The following NRK variants were observed in gnomAD, a reference collection of about 807,000 sequenced individuals.
NRK encodes Nik related kinase, also known as nik-related protein kinase.
Under a neutral mutation model 125.2 loss-of-function variants are expected in NRK, and 67 were observed. The ratio of observed to expected loss-of-function variants is 0.54; its 90% confidence interval spans 0.44 to 0.66. The LOEUF is 0.66. NRK is among the 30% of genes least tolerant of loss of function. NRK has a pLI of 0.00. For missense variants in NRK, 1,224 were observed against 1,192.9 expected, an observed-to-expected ratio of 1.03 and a Z score of -0.38; for synonymous variants, 458 against 429.0, an observed-to-expected ratio of 1.07 and a Z score of -0.84.
chrX:105,954,495 T>A (rs926216076), intron 28 of NRK, among the ~76,000 whole-genome samples: 1 of 110,572 alleles, frequency 9.0e-6, no homozygotes, highest in Non-Finnish European at 1.9e-5. Context: ...GATTGCTGCC[T>A]TTGTCTAATA....
intron 2 of NRK, among the ~76,000 whole-genome samples, chrX:105,842,742 G>A (rs183892844): frequency 1.8e-5 from 2 of 111,382 alleles, no homozygotes; most frequent in Admixed American, 1.9e-4. Flanking sequence ...TTAGAGGGTG[G>A]CAGAGGCAGA....
At position 105,909,374 on chromosome X, in the gene NRK, C is replaced by G. The variant is rs749331842; in HGVS notation, c.1733C>G (p.Pro578Arg). 8.3e-7 allele frequency: 1 copy of G among 1,206,598 alleles called. No individual in the cohort carries two copies. The highest frequency in any genetic ancestry group is 1.1e-6 in the Non-Finnish European group (1 of 892,635). ...CAGGCAGAGACTGAGGCAGAGGAACCTGAGTCATTACGAGTAAATGCCCAG... is the reference window on the plus strand; with the variant it reads ...CAGGCAGAGACTGAGGCAGAGGAACGTGAGTCATTACGAGTAAATGCCCAG... ...PAQAETEAEEPESLRVNAQVF... is the reference protein window; with the variant it reads ...PAQAETEAEERESLRVNAQVF... Residue 578 changes from proline (P) to arginine (R), a missense_variant, in exon 13 of 29, where the codon CCT (proline) becomes CGT (arginine). By Grantham distance (103) the Pro-to-Arg change is moderately radical. Transcript: ENST00000243300.
At chrX:105,942,483 ATGT>A (rs1341453941) in intron 23 of NRK, among the ~76,000 whole-genome samples, 13 of 111,943 alleles carry the variant, frequency 1.2e-4, no homozygotes, top group Non-Finnish European at 2.1e-4. Flanking sequence ...CTCATGATTA[ATGT>A]TGTTGAGTAT....
intron 9 of NRK, among the ~76,000 whole-genome samples, chrX:105,903,037 G>C (rs765248668): frequency 9.0e-6 from 1 of 111,106 alleles, no homozygotes; most frequent in South Asian, 3.9e-4. Context: ...ACCAAGGCCA[G>C]AACATTTATA....
At chrX:105,953,323 T>C (rs2040927040) in intron 28 of NRK, 150 bp downstream of exon 28, 2 of 426,482 alleles carry the variant, frequency 4.7e-6, no homozygotes, top group Non-Finnish European at 7.1e-6. Context: ...AAAACAATTT[T>C]ATATTTTGCA....
intron 9 of NRK, among the ~76,000 whole-genome samples, chrX:105,903,015 G>A (rs1011593415): frequency 5.4e-5 from 6 of 110,983 alleles, no homozygotes; most frequent in African/African-American, 1.3e-4. Context: ...CAAACAATAC[G>A]GGGACCTTTA....
chrX:105,847,402 G>A (rs1306014534), intron 2 of NRK, among the ~76,000 whole-genome samples: 1 of 112,542 alleles, frequency 8.9e-6, no homozygotes, highest in Non-Finnish European at 1.9e-5. Context: ...TTCATGAAGT[G>A]CCTGTTCTGA....
intron 23 of NRK, among the ~76,000 whole-genome samples, chrX:105,941,881 C>T (rs1311774409): frequency 2.7e-5 from 3 of 110,477 alleles, no homozygotes; most frequent in Non-Finnish European, 5.7e-5. Context: ...AAAGAAACCC[C>T]ATATTCATTA....
intron 1 of NRK, among the ~76,000 whole-genome samples, chrX:105,825,317 A>G (rs912822429): frequency 8.9e-6 from 1 of 112,373 alleles, no homozygotes; most frequent in African/African-American, 3.2e-5. Flanking sequence ...AATTATCCTC[A>G]ATAGGACATA....
At chrX:105,898,434 CTGGAGTAGACTTCA>C in intron 7 of NRK, 136 bp from the exon 8 acceptor site, 1 of 445,665 alleles carries the variant, frequency 2.2e-6, no homozygotes, top group Non-Finnish European at 3.7e-6. Context: ...CCCAGTATTC[CTGGAGTAGACTTCA>C]TGGTAAAGTT....
intron 6 of NRK, among the ~76,000 whole-genome samples, chrX:105,894,992 A>G (rs754301166): frequency 1.8e-5 from 2 of 111,874 alleles, no homozygotes; most frequent in South Asian, 3.7e-4. Flanking sequence ...GAATTTCCAC[A>G]TTCCCCTAAA....
chrX:105,906,067 G>A (rs2040215306), intron 10 of NRK, among the ~76,000 whole-genome samples: 1 of 111,719 alleles, frequency 9.0e-6, no homozygotes, highest in South Asian at 3.8e-4. Flanking sequence ...TATGACTGCT[G>A]TGGGCCGATC....
chrX:105,952,158 A>T (rs1333790740), intron 27 of NRK, among the ~76,000 whole-genome samples: 1 of 112,512 alleles, frequency 8.9e-6, no homozygotes, highest in Non-Finnish European at 1.9e-5. Context: ...TAATCATGTT[A>T]ATATGAGAAT....
At chrX:105,948,727 C>T (rs2040851691) in intron 26 of NRK, 2 of 504,024 alleles carry the variant, frequency 4.0e-6, no homozygotes, top group East Asian at 7.3e-5. Context: ...TGGGACATGG[C>T]CTCAAGCACC....
chrX:105,872,157 G>A (rs2039756269), intron 2 of NRK, among the ~76,000 whole-genome samples: 1 of 111,265 alleles, frequency 9.0e-6, no homozygotes, highest in Admixed American at 9.5e-5. Flanking sequence ...TCAAAACTTT[G>A]TAATGATGGG....
rs373069203 is a variant in NRK at position 105,946,311 on chromosome X, A to G, written c.4204-4A>G. 2 of 1,192,349 alleles carry G rather than the reference A, an allele frequency of 1.7e-6. No individual in the cohort carries two copies. The highest frequency in any genetic ancestry group is 3.5e-5 in the African/African-American group (2 of 56,657). Reference sequence around the variant, plus strand: ...TTTGGCCATATTTGGTTTTATATTCACAGGTATTTCCAACACTTGATCATA... The same window carrying G: ...TTTGGCCATATTTGGTTTTATATTCGCAGGTATTTCCAACACTTGATCATA... On this transcript the variant is annotated splice_region_variant and splice_polypyrimidine_tract_variant and intron_variant, in intron 25 of 28. Transcript: ENST00000243300.
At position 105,881,909 on chromosome X, in the gene NRK, T is replaced by C. The variant is rs1026336158; in HGVS notation, c.252+130T>C. The C allele has an allele frequency of 9.5e-6, 4 of 418,935 alleles. No individual in the cohort carries two copies. The African/African-American group carries it at 1.0e-4, about 10-fold the overall frequency. 34.5% of individuals were successfully genotyped at this position (418,935 alleles called of 1,213,427 possible). ...TAAAAGTGTTCTTGCCTGAAAGTGA[T>C]AACATATTTATATCTTTTAATATAT... is the stretch of plus-strand genomic sequence containing the variant. On this transcript the variant is annotated intron_variant, in intron 4 of 28. Transcript: ENST00000243300.
At chrX:105,844,039 GTGTC>G (rs749278794) in intron 2 of NRK, among the ~76,000 whole-genome samples, 130 of 103,324 alleles carry the variant, frequency 1.3e-3, no homozygotes, top group African/African-American at 4.0e-3. Context: ...GTGTGTGTGT[GTGTC>G]TGTGTGTCTG....
At chrX:105,844,409 G>T (rs1361488379) in intron 2 of NRK, among the ~76,000 whole-genome samples, 2 of 111,714 alleles carry the variant, frequency 1.8e-5, no homozygotes, top group Non-Finnish European at 3.8e-5. Context: ...GAATTAGTTG[G>T]TTATTTGATG....
Sources: gnomAD v4.1 joint callset for allele counts (sites outside exome capture counted in the v4.1 genomes callset) on GRCh38, gnomAD v4.1.1 for gene constraint, MANE v1.5 for transcripts, NCBI Gene and HGNC (gene_info 2026-07-23, HGNC 2026-07-21) for gene names.